Variants in COMMD1 observed in about 807,000 individuals in gnomAD.
COMMD1 encodes COMM domain-containing protein 1.
Under a neutral mutation model 17.2 loss-of-function variants are expected in COMMD1, and 10 were observed. The observed-to-expected ratio is 0.58, with a 90% CI of 0.36 to 0.99. The LOEUF (loss-of-function observed/expected upper bound fraction) is 0.99, where lower values mean the gene tolerates loss of function less well. Ranked by LOEUF, COMMD1 falls within the 50% of genes least tolerant of loss-of-function variation. The probability of loss-of-function intolerance (pLI) is 0.01; values close to 1 mark genes in which losing one functional copy is unlikely to be tolerated. For missense variants in COMMD1, 270 were observed against 231.8 expected (o/e 1.17, Z -1.07); for synonymous variants, 97 against 91.6 (o/e 1.06, Z -0.34).
intron 1 of COMMD1, among the ~76,000 whole-genome samples, chr2:61,893,148 T>A (rs1428790038): frequency 6.6e-6 from 1 of 151,984 alleles, no homozygotes; most frequent in Non-Finnish European, 1.5e-5. Flanking sequence ...ATTACAGGTG[T>A]GAGCCACCAT....
chr2:62,024,008 T>G (rs1669686441), intron 2 of COMMD1, among the ~76,000 whole-genome samples: 1 of 152,206 alleles, frequency 6.6e-6, no homozygotes, highest in South Asian at 2.1e-4. Context: ...ATTGCATACA[T>G]AGTATAATCT....
At chr2:61,934,740 A>G (rs780129577) in intron 1 of COMMD1, among the ~76,000 whole-genome samples, 52 of 152,218 alleles carry the variant, frequency 3.4e-4, no homozygotes, top group Non-Finnish European at 5.3e-4. Flanking sequence ...ATTTGTCTGT[A>G]TAGAGAGGGA....
chr2:62,101,858 T>A lies in COMMD1; in HGVS notation c.463-33973T>A, dbSNP rs189202868. ...TGGTAGCTCTCTAAACACTGTTGTT[T>A]GGGGTTTTTATGGTGTCTGTCTCAT... On this transcript the variant is annotated intron_variant, in intron 2 of 2. Coordinates refer to ENST00000311832, the MANE Select transcript of COMMD1 (RefSeq NM_152516.4). Among the ~76,000 whole-genome samples the A allele has an allele frequency of 5.3e-5, 8 of 152,272 alleles. No homozygotes were observed. The East Asian group carries it at 1.5e-3, about 29-fold the overall frequency.
chr2:62,002,491 G>GAAAAAAAAAAA (rs11310507), intron 2 of COMMD1, among the ~76,000 whole-genome samples: 13 of 35,086 alleles, frequency 3.7e-4, no homozygotes, highest in Admixed American at 5.5e-4. Flanking sequence ...GATTCCACCA[G>GAAAAAAAAAAA]AAAAAAAAAA....
chr2:62,096,202 C>A (rs1227268404), intron 2 of COMMD1, among the ~76,000 whole-genome samples: 1 of 152,124 alleles, frequency 6.6e-6, no homozygotes, highest in African/African-American at 2.4e-5. Context: ...CGCTGCCTAG[C>A]AGCTTTATTA....
chr2:61,941,049 T>C (rs534602049), intron 1 of COMMD1, among the ~76,000 whole-genome samples: 20 of 151,118 alleles, frequency 1.3e-4, no homozygotes, highest in South Asian at 6.3e-4. Flanking sequence ...CCCCCCTTTT[T>C]TTTTGGGATG....
At chr2:62,019,623 A>G (rs1214538242) in intron 2 of COMMD1, among the ~76,000 whole-genome samples, 1 of 152,146 alleles carries the variant, frequency 6.6e-6, no homozygotes, top group Non-Finnish European at 1.5e-5. Context: ...CATTCAGACC[A>G]TAGTAGTGGA....
intron 2 of COMMD1, among the ~76,000 whole-genome samples, chr2:62,020,176 A>C (rs1331393794): frequency 6.6e-6 from 1 of 152,210 alleles, no homozygotes. Context: ...TTTGCCCCAC[A>C]CATAACCAAG....
intron 2 of COMMD1, among the ~76,000 whole-genome samples, chr2:62,005,928 A>T (rs946556038): frequency 6.6e-6 from 1 of 151,962 alleles, no homozygotes; most frequent in Non-Finnish European, 1.5e-5. Context: ...CACAATAGCA[A>T]AGACTTGGAA....
rs182413415 is a variant in COMMD1, at chr2:62,124,599, G to C, written c.463-11232G>C. On this transcript the variant is annotated intron_variant, in intron 2 of 2. Coordinates refer to ENST00000311832, the MANE Select transcript of COMMD1 (RefSeq NM_152516.4). Reference sequence around the variant, plus strand: ...GAGTCTCACTCTGTCGCCCAGCCTGGAGTGTAGTGGTACCATCTCAGCTCA... The same window carrying C: ...GAGTCTCACTCTGTCGCCCAGCCTGCAGTGTAGTGGTACCATCTCAGCTCA... Among the ~76,000 whole-genome samples, 375 of 152,092 alleles carry C rather than the reference G, an allele frequency of 2.5e-3. 3 individuals carry two copies. The highest frequency in any genetic ancestry group is 8.2e-3 in the African/African-American group (341 of 41,502).
At chr2:61,893,810 CAAA>C (rs113358661) in intron 1 of COMMD1, among the ~76,000 whole-genome samples, 1 of 111,014 alleles carries the variant, frequency 9.0e-6, no homozygotes, top group Non-Finnish European at 1.9e-5. Context: ...ACCTCCATCT[CAAA>C]AAAAAAAAAA....
intron 1 of COMMD1, among the ~76,000 whole-genome samples, chr2:61,999,973 G>C (rs1394091506): frequency 6.7e-6 from 1 of 148,970 alleles, no homozygotes; most frequent in Non-Finnish European, 1.5e-5. Context: ...GCTCAGGCTG[G>C]AGTATAGTGG....
At chr2:62,124,720 T>G (rs1053425806) in intron 2 of COMMD1, among the ~76,000 whole-genome samples, 2 of 152,138 alleles carry the variant, frequency 1.3e-5, no homozygotes, top group South Asian at 2.1e-4. Context: ...CGGCTAATTT[T>G]TGTATTTTTA....
intron 1 of COMMD1, among the ~76,000 whole-genome samples, chr2:61,961,769 T>C (rs1276771510): frequency 6.6e-6 from 1 of 152,124 alleles, no homozygotes; most frequent in African/African-American, 2.4e-5. Flanking sequence ...GCTATCATTA[T>C]AGAAATTTTC....
intron 2 of COMMD1, among the ~76,000 whole-genome samples, chr2:62,030,514 A>C (rs1036788834): frequency 6.6e-6 from 1 of 152,162 alleles, no homozygotes; most frequent in Admixed American, 6.5e-5. Context: ...GTGACAACCA[A>C]AAGTGTTCCA....
At chr2:62,090,194 AT>A (rs1255560241) in intron 2 of COMMD1, among the ~76,000 whole-genome samples, 1 of 150,646 alleles carries the variant, frequency 6.6e-6, no homozygotes, top group Non-Finnish European at 1.5e-5. Flanking sequence ...TTTACAAGAG[AT>A]ATATAATCCT....
chr2:62,126,818 T>G (rs1672898984), intron 2 of COMMD1, among the ~76,000 whole-genome samples: 1 of 152,110 alleles, frequency 6.6e-6, no homozygotes, highest in African/African-American at 2.4e-5. Flanking sequence ...AAAACCGGCA[T>G]AAGACAGGGA....
chr2:61,899,419 A>C (rs1438317367), intron 1 of COMMD1, among the ~76,000 whole-genome samples: 1 of 152,180 alleles, frequency 6.6e-6, no homozygotes, highest in South Asian at 2.1e-4. Flanking sequence ...ATATAAAAGC[A>C]TTTAAGTGTT....
At chr2:62,082,902 T>A (rs2103982285) in intron 2 of COMMD1, among the ~76,000 whole-genome samples, 1 of 152,256 alleles carries the variant, frequency 6.6e-6, no homozygotes, top group Non-Finnish European at 1.5e-5. Context: ...CAAGTTTCCT[T>A]CCCTTCCTTG....
Sources: allele counts gnomAD v4.1 joint callset (sites outside exome capture counted in the v4.1 genomes callset), GRCh38; gene constraint gnomAD v4.1.1; transcripts MANE v1.5; gene names NCBI Gene and HGNC (gene_info 2026-07-23, HGNC 2026-07-21).